Variants in MFNG observed in about 807,000 individuals in gnomAD.
MFNG encodes the protein beta-1,3-N-acetylglucosaminyltransferase manic fringe.
A neutral mutation model predicts 34.2 loss-of-function variants in MFNG; 24 were observed. That is an observed-to-expected ratio of 0.70 (90% CI 0.51 to 0.99). The LOEUF is 0.99. Ranked by LOEUF, MFNG falls within the 50% of genes least tolerant of loss-of-function variation. The probability of loss-of-function intolerance (pLI) is 0.00; values close to 1 mark genes in which losing one functional copy is unlikely to be tolerated. For synonymous variants in MFNG, 158 were observed against 179.2 expected (o/e 0.88, Z 0.94); for missense variants, 383 against 424.0 (o/e 0.90, Z 0.85).
Position 37,480,716 on chromosome 22 carries a change from G to T in MFNG, c.304+5C>A. ...CCCCACCACACCCAGGCCGGGCAGA[G>T]TTACCCAGTCTCTCCTGGAGGCCTT... On this transcript the variant is annotated splice_donor_5th_base_variant and intron_variant, in intron 2 of 7. Transcript: ENST00000356998. 6.2e-7 allele frequency: 1 copy of T among 1,613,382 alleles called. No individual in the cohort carries two copies. The highest frequency in any genetic ancestry group is 8.5e-7 in the Non-Finnish European group (1 of 1,179,600).
intron 4 of MFNG, 53 bp downstream of exon 4, chr22:37,479,292 C>T: frequency 6.6e-7 from 1 of 1,504,290 alleles, no homozygotes; most frequent in South Asian, 1.3e-5. Flanking sequence ...CAGGACCGGC[C>T]CGGCCCTTGG....
chr22:37,478,899 G>T (rs540485745), intron 4 of MFNG, among the ~76,000 whole-genome samples: 1 of 152,012 alleles, frequency 6.6e-6, no homozygotes, highest in Non-Finnish European at 1.5e-5. Context: ...GGCTGGTCTC[G>T]AACTCTTGAC....
intron 5 of MFNG, among the ~76,000 whole-genome samples, chr22:37,476,155 A>G (rs1922026483): frequency 6.6e-6 from 1 of 152,064 alleles, no homozygotes; most frequent in East Asian, 1.9e-4. Context: ...TCAGTCCTCA[A>G]TACAAGGGAG....
intron 2 of MFNG, 106 bp downstream of exon 2, chr22:37,480,615 G>A: frequency 9.2e-7 from 1 of 1,082,186 alleles, no homozygotes. Flanking sequence ...ACATGCCAAG[G>A]GTGGGCGGCC....
Position 37,479,345 on chromosome 22 carries a change from C to T in MFNG, c.561G>A (p.Thr187=), listed in dbSNP as rs1317799852. The change falls in exon 4 of 8, where the codon ACG becomes ACA. Residue 187 remains threonine, a splice_region_variant and synonymous_variant. Coordinates refer to ENST00000356998, the MANE Select transcript of MFNG (RefSeq NM_002405.4). ...GCAAAGGAGGAGGAGAGGGACCCAC[C>T]GTGCGGTTGTGGGGCTGTGGCTCTG... ...HASEPQPHNR[T]RLVQFWFATG... 4.5e-6 allele frequency: 7 copies of T among 1,571,110 alleles called. No homozygotes were observed. The highest frequency in any genetic ancestry group is 4.8e-5 in the East Asian group (2 of 41,990).
At chr22:37,475,599 C>T (rs1922001969) in intron 5 of MFNG, among the ~76,000 whole-genome samples, 1 of 152,104 alleles carries the variant, frequency 6.6e-6, no homozygotes, top group Non-Finnish European at 1.5e-5. Context: ...TTCAACTGGC[C>T]GCGTATACCC....
chr22:37,472,569 G>C (rs748499199), intron 6 of MFNG, 41 bp from the exon 7 acceptor site: 1 of 1,527,836 alleles, frequency 6.5e-7, no homozygotes, highest in Non-Finnish European at 8.9e-7. Flanking sequence ...ATCACACTGG[G>C]GATCCCCACA....
Position 37,476,970 on chromosome 22 carries a change from C to T in MFNG, c.573G>A (p.Gln191=), listed in dbSNP as rs1227463267. The part of the protein sequence containing the change: ...PQPHNRTRLV[Q]FWFATGGAGF... ...CAGCACCCCCAGTGGCAAACCAGAA[C>T]TGTACCAGCCTCTGAGAGAGAGGAA... The change falls in exon 5 of 8, where the codon CAG becomes CAA. Residue 191 remains glutamine (Q), a synonymous_variant. Coordinates refer to ENST00000356998, the MANE Select transcript of MFNG (RefSeq NM_002405.4). The T allele has an allele frequency of 1.2e-6, 2 of 1,613,890 alleles. No individual in the cohort carries two copies. Among genetic ancestry groups the T allele is most frequent in the Non-Finnish European group, 1.7e-6 (2 of 1,179,990 alleles).
rs1305989461 is a variant in MFNG, at chr22:37,480,784, A to G, written c.256-15T>C. 1.9e-6 allele frequency: 3 copies of G among 1,612,644 alleles called. No individual in the cohort carries two copies. The South Asian group carries it at 3.3e-5, about 18-fold the overall frequency. ...AAGACAAATGTCTAGGAAGGAGAAG[A>G]AGGGGTCAGGACTCACATCGGCCCA... On this transcript the variant is annotated splice_polypyrimidine_tract_variant and intron_variant, in intron 1 of 7. Coordinates refer to ENST00000356998, the MANE Select transcript of MFNG (RefSeq NM_002405.4).
rs1197312789 is a variant in MFNG, at chr22:37,479,323, AAGG to A, written c.561+19_561+21del. The A allele has an allele frequency of 5.2e-6, 8 of 1,542,608 alleles. No individual in the cohort carries two copies. The highest frequency in any genetic ancestry group is 2.4e-5 in the South Asian group (2 of 82,392). On this transcript the variant is annotated intron_variant, in intron 4 of 7. Transcript: ENST00000356998. ...CTTGGGATCAGCGGGCCAAGGGGCA[AAGG>A]AGGAGGAGAGGGACCCACCGTGCGG...
At chr22:37,481,777 C>T (rs1333085400) in intron 1 of MFNG, among the ~76,000 whole-genome samples, 1 of 152,212 alleles carries the variant, frequency 6.6e-6, no homozygotes, top group South Asian at 2.1e-4. Context: ...CTTTAAAGCC[C>T]TCCGACTCTC....
rs1922065906 is a variant in MFNG, at chr22:37,476,893, T to TACCTGGCCCAC, written c.639_647+2dup. The TACCTGGCCCAC allele has an allele frequency of 7.4e-6, 12 of 1,613,620 alleles. No individual in the cohort carries two copies. Among genetic ancestry groups the TACCTGGCCCAC allele is most frequent in the Non-Finnish European group, 1.0e-5 (12 of 1,179,616 alleles). The stretch of plus-strand genomic sequence containing the variant: ...TCCTGCCCACCCCTGGGTCTCTGCT[T>TACCTGGCCCAC]ACCTGGCCCACGGAGCCATCTTCAA... On this transcript the variant is annotated splice_region_variant and intron_variant, in intron 5 of 7. Transcript: ENST00000356998.
chr22:37,476,903 A>G lies in MFNG; in HGVS notation c.640T>C (p.Trp214Arg). 6.3e-7 allele frequency: 1 copy of G among 1,587,282 alleles called. No individual in the cohort carries two copies. The highest frequency in any genetic ancestry group is 1.1e-5 in the South Asian group (1 of 90,742). ...NRKLALKMAP[W>R]ASGSRFMDTS... is the part of the protein sequence containing the mutation. ...CCCTGGGTCTCTGCTTACCTGGCCC[A>G]CGGAGCCATCTTCAAAGCCAGTTTG... The change falls in exon 5 of 8, where the codon TGG becomes CGG. Residue 214 changes from tryptophan (W) to arginine (R), a missense_variant. By Grantham distance (101) the Trp-to-Arg change is moderately radical. Coordinates refer to ENST00000356998, the MANE Select transcript of MFNG (RefSeq NM_002405.4).
In MFNG at chr22:37,470,023, G is replaced by A; in HGVS notation, c.906C>T (p.Arg302=). Residue 302 remains arginine, a synonymous_variant, in exon 8 of 8, where the codon CGC becomes CGT. Transcript: ENST00000356998. Reference sequence around the variant, plus strand: ...CTGGATAGAGCAGACAATGGAGGGAGCGAAATCTGCAGAGAGACCAGAAAA... The same window carrying A: ...CTGGATAGAGCAGACAATGGAGGGAACGAAATCTGCAGAGAGACCAGAAAA... ...FSPEEDPSRF[R]SLHCLLYPDT... The A allele has an allele frequency of 6.2e-7, 1 of 1,605,470 alleles. No individual in the cohort carries two copies. Among genetic ancestry groups the A allele is most frequent in the Non-Finnish European group, 8.5e-7 (1 of 1,175,352 alleles).
At chr22:37,476,004 G>C (rs1486199169) in intron 5 of MFNG, among the ~76,000 whole-genome samples, 2 of 152,196 alleles carry the variant, frequency 1.3e-5, no homozygotes, top group Non-Finnish European at 2.9e-5. Context: ...AAACCCAGCA[G>C]CTGAGTGACC....
chr22:37,482,965 A>G lies in MFNG; in HGVS notation c.256-2196T>C, dbSNP rs1223973233. ...GCCATGCAGCCTCTCAGCTTTAAAC[A>G]CCATCAGGGAGCTGGAGACTCGTGG... On this transcript the variant is annotated intron_variant, in intron 1 of 7. Transcript: ENST00000356998. This position sits in a 1 kb window ranked among gnomAD's most constrained non-coding sequence, Gnocchi z 4.1. 6.6e-6 allele frequency among the ~76,000 whole-genome samples: 1 copy of G among 152,114 alleles called. No individual in the cohort carries two copies. The highest frequency in any genetic ancestry group is 2.4e-5 in the African/African-American group (1 of 41,422).
chr22:37,469,863 C>T lies in MFNG; in HGVS notation c.*100G>A, dbSNP rs771316864. Reference sequence around the variant, plus strand: ...AACCACCCGAAGGCCCTGCCAGGGACTGCCTATCACAAGACACTTGCCAGG... The same window carrying T: ...AACCACCCGAAGGCCCTGCCAGGGATTGCCTATCACAAGACACTTGCCAGG... On this transcript the variant is annotated 3_prime_UTR_variant, in exon 8 of 8. Transcript: ENST00000356998. 12 of 974,750 alleles carry T rather than the reference C, an allele frequency of 1.2e-5. No homozygotes were observed. Among genetic ancestry groups the T allele is most frequent in the Non-Finnish European group, 1.6e-5 (10 of 620,392 alleles). 60.4% of individuals were successfully genotyped at this position (974,750 alleles called of 1,614,324 possible).
intron 6 of MFNG, among the ~76,000 whole-genome samples, chr22:37,474,042 G>T (rs1013749584): frequency 6.6e-6 from 1 of 152,226 alleles, no homozygotes; most frequent in African/African-American, 2.4e-5. Context: ...ATTCCATCCC[G>T]GTAACCTCAG....
intron 6 of MFNG, among the ~76,000 whole-genome samples, chr22:37,473,999 C>T (rs1200833014): frequency 2.0e-5 from 3 of 152,204 alleles, no homozygotes; most frequent in Non-Finnish European, 4.4e-5. Context: ...CTCCCCCAGC[C>T]TAACATAATG....
Sources: gnomAD v4.1 joint callset for allele counts (sites outside exome capture counted in the v4.1 genomes callset) on GRCh38, gnomAD v4.1.1 for gene constraint, Gnocchi (gnomAD v3.1) non-coding constraint, MANE v1.5 for transcripts, NCBI Gene and HGNC (gene_info 2026-07-23, HGNC 2026-07-21) for gene names.